ZNF804B: variants seen among roughly 807,000 people sequenced by gnomAD.
ZNF804B encodes the protein zinc finger 804B.
Under a neutral mutation model 101.4 loss-of-function variants are expected in ZNF804B, and 80 were observed. That is an observed-to-expected ratio of 0.79 (90% CI 0.66 to 0.95). The LOEUF is 0.95. Among genes scored for constraint, ZNF804B ranks in the 40% least tolerant of loss-of-function variants. The probability of loss-of-function intolerance (pLI) is 0.00; values close to 1 mark genes in which losing one functional copy is unlikely to be tolerated. For missense variants in ZNF804B, 1,673 were observed against 1,561.9 expected (o/e 1.07, Z -1.20); for synonymous variants, 622 against 558.8 (o/e 1.11, Z -1.59).
chr7:89,113,673 C>T (rs1482987735), intron 1 of ZNF804B, among the ~76,000 whole-genome samples: 1 of 152,072 alleles, frequency 6.6e-6, no homozygotes, highest in Non-Finnish European at 1.5e-5. Flanking sequence ...AAAAAACAGG[C>T]CAGGCGCTGT....
At position 88,951,896 on chromosome 7, in the gene ZNF804B, A is replaced by T. The variant is rs553917224; in HGVS notation, c.108+191812A>T. ...TTCAAGTTTAAAATATATAAACACT[A>T]AAAAAATTGATTTCATATCCAAGGG... is the stretch of plus-strand genomic sequence containing the variant. On this transcript the variant is annotated intron_variant, in intron 1 of 3. Coordinates refer to ENST00000333190, the MANE Select transcript of ZNF804B (RefSeq NM_181646.5). Among the ~76,000 whole-genome samples the T allele has an allele frequency of 1.2e-4, 18 of 151,970 alleles. No individual in the cohort carries two copies. The South Asian group carries it at 3.3e-3, about 28-fold the overall frequency.
At chr7:88,842,997 A>C (rs1269896898) in intron 1 of ZNF804B, among the ~76,000 whole-genome samples, 3 of 152,200 alleles carry the variant, frequency 2.0e-5, no homozygotes, top group Admixed American at 6.5e-5. Context: ...TATAGGAAAA[A>C]AATTAGAATT....
chr7:88,875,748 C>G (rs917277325), intron 1 of ZNF804B, among the ~76,000 whole-genome samples: 5 of 152,118 alleles, frequency 3.3e-5, no homozygotes, highest in Non-Finnish European at 5.9e-5. Context: ...GGAACTGGTA[C>G]CATTCCATCT....
intron 1 of ZNF804B, among the ~76,000 whole-genome samples, chr7:89,184,933 T>A (rs1023875365): frequency 6.6e-6 from 1 of 152,152 alleles, no homozygotes; most frequent in African/African-American, 2.4e-5. Context: ...TATATTTATG[T>A]GGATTTAACA....
chr7:88,791,339 CA>C (rs1389342907), intron 1 of ZNF804B, among the ~76,000 whole-genome samples: 1 of 151,962 alleles, frequency 6.6e-6, no homozygotes, highest in Non-Finnish European at 1.5e-5. Context: ...GATGTGTTCA[CA>C]AAAATGAACA....
Position 89,333,772 on chromosome 7 carries a change from A to G in ZNF804B, c.790A>G (p.Lys264Glu). ...AACAAAACAAACTGCAGATAAGTGC[A>G]AGTGCTGCAGGTTTGCAAATAAAGA... ...YKTKQTADKC[K>E]CCRFANKDTH... Residue 264 changes from lysine to glutamate, a missense_variant, in exon 4 of 4, where the codon AAG becomes GAG. By Grantham distance (56) the Lys-to-Glu change is moderately conservative. Coordinates refer to ENST00000333190, the MANE Select transcript of ZNF804B (RefSeq NM_181646.5). 6.2e-7 allele frequency: 1 copy of G among 1,613,352 alleles called. No individual in the cohort carries two copies. The highest frequency in any genetic ancestry group is 8.5e-7 in the Non-Finnish European group (1 of 1,179,744).
intron 1 of ZNF804B, among the ~76,000 whole-genome samples, chr7:89,151,614 T>C (rs963562444): frequency 6.6e-6 from 1 of 151,964 alleles, no homozygotes; most frequent in Non-Finnish European, 1.5e-5. Context: ...GAATTTACTG[T>C]GAAATGTAAA....
chr7:89,119,212 CA>C (rs1164228192), intron 1 of ZNF804B, among the ~76,000 whole-genome samples: 1 of 152,166 alleles, frequency 6.6e-6, no homozygotes, highest in African/African-American at 2.4e-5. Flanking sequence ...TGCTGCATGT[CA>C]GGCTTATCAA....
At chr7:89,320,022 A>G (rs1355122295) in intron 2 of ZNF804B, among the ~76,000 whole-genome samples, 1 of 151,436 alleles carries the variant, frequency 6.6e-6, no homozygotes, top group Non-Finnish European at 1.5e-5. Context: ...AAGAGGTATA[A>G]TAGTCAATAC....
At chr7:89,315,722 C>T (rs190463239) in intron 2 of ZNF804B, among the ~76,000 whole-genome samples, 4 of 151,854 alleles carry the variant, frequency 2.6e-5, no homozygotes, top group East Asian at 1.9e-4. Flanking sequence ...ACACATGGCT[C>T]TAAATACACA....
intron 2 of ZNF804B, among the ~76,000 whole-genome samples, chr7:89,275,594 T>G (rs1411811505): frequency 6.6e-6 from 1 of 151,864 alleles, no homozygotes; most frequent in African/African-American, 2.4e-5. Flanking sequence ...ATCTACACAG[T>G]TTATTCCCCT....
intron 1 of ZNF804B, among the ~76,000 whole-genome samples, chr7:89,190,088 A>G (rs903008440): frequency 6.6e-6 from 1 of 152,146 alleles, no homozygotes; most frequent in Non-Finnish European, 1.5e-5. Context: ...TGAGGGGTTC[A>G]AAACTTCAGT....
At chr7:88,886,591 T>C (rs1449139721) in intron 1 of ZNF804B, among the ~76,000 whole-genome samples, 4 of 151,998 alleles carry the variant, frequency 2.6e-5, no homozygotes, top group African/African-American at 9.7e-5. Context: ...TAATGCATTA[T>C]TTTATTGCAC....
chr7:88,794,212 T>A, intron 1 of ZNF804B: 1 of 1,612,504 alleles, frequency 6.2e-7, no homozygotes, highest in Non-Finnish European at 8.5e-7. Context: ...CCATACCACC[T>A]CAGAATCCAG....
chr7:89,048,870 T>G (rs928126383), intron 1 of ZNF804B, among the ~76,000 whole-genome samples: 1 of 151,880 alleles, frequency 6.6e-6, no homozygotes, highest in Admixed American at 6.6e-5. Flanking sequence ...AAGTTTAAGG[T>G]AGAAAAAGAT....
chr7:88,912,940 A>C (rs1249025518), intron 1 of ZNF804B, among the ~76,000 whole-genome samples: 2 of 152,206 alleles, frequency 1.3e-5, no homozygotes, highest in Non-Finnish European at 2.9e-5. Context: ...AAAAGGAAAG[A>C]GTAGTATTTA....
At chr7:88,942,375 A>C (rs1793066285) in intron 1 of ZNF804B, among the ~76,000 whole-genome samples, 1 of 151,984 alleles carries the variant, frequency 6.6e-6, no homozygotes, top group Non-Finnish European at 1.5e-5. Context: ...AGAACATTTA[A>C]GTTTCCTTTT....
chr7:89,083,245 C>T (rs1039157692), intron 1 of ZNF804B, among the ~76,000 whole-genome samples: 1 of 151,812 alleles, frequency 6.6e-6, no homozygotes, highest in Non-Finnish European at 1.5e-5. Flanking sequence ...TTTTTACACA[C>T]ACATACCTAC....
At chr7:89,166,906 T>A (rs1157447858) in intron 1 of ZNF804B, among the ~76,000 whole-genome samples, 1 of 152,188 alleles carries the variant, frequency 6.6e-6, no homozygotes, top group Non-Finnish European at 1.5e-5. Flanking sequence ...AGTTATGAAT[T>A]AATACTGCAT....
Sources: allele counts gnomAD v4.1 joint callset (sites outside exome capture counted in the v4.1 genomes callset), GRCh38; gene constraint gnomAD v4.1.1; transcripts MANE v1.5; gene names NCBI Gene and HGNC (gene_info 2026-07-23, HGNC 2026-07-21).